ZCWPW2: variants seen among roughly 807,000 people sequenced by gnomAD.
ZCWPW2 encodes zinc finger CW-type and PWWP domain containing 2, also known as zinc finger CW-type PWWP domain protein 2.
In ZCWPW2, 45 loss-of-function variants were observed where a neutral mutation model predicts 46.6. That is an observed-to-expected ratio of 0.96 (90% CI 0.76 to 1.24). The LOEUF (loss-of-function observed/expected upper bound fraction) is 1.24, where lower values mean the gene tolerates loss of function less well. ZCWPW2 is among the 50% of genes most tolerant of loss of function. The pLI, the probability that ZCWPW2 is intolerant of heterozygous loss-of-function variation, is 0.00. For missense variants in ZCWPW2, 429 were observed against 403.9 expected (o/e 1.06, Z -0.53); for synonymous variants, 152 against 137.1 (o/e 1.11, Z -0.76).
At chr3:28,498,635 T>C (rs1327293834) in intron 6 of ZCWPW2, among the ~76,000 whole-genome samples, 2 of 151,764 alleles carry the variant, frequency 1.3e-5, no homozygotes, top group Non-Finnish European at 2.9e-5. Flanking sequence ...TATTAGACAG[T>C]TAGGATTAGC....
rs988886465 is a variant in ZCWPW2 at position 28,525,582 on chromosome 3, C to T, written c.*894C>T. 2.0e-5 allele frequency among the ~76,000 whole-genome samples: 3 copies of T among 152,092 alleles called. No individual in the cohort carries two copies. The highest frequency in any genetic ancestry group is 2.9e-5 in the Non-Finnish European group (2 of 68,004). ...CCAAAGCTTGAGGAGAGAAGAAGTG[C>T]ACGAGAGCATCACCACAGCGGTGAA... On this transcript the variant is annotated 3_prime_UTR_variant, in exon 10 of 10. Transcript: ENST00000383768.
At chr3:28,482,352 T>A (rs1367021472) in intron 5 of ZCWPW2, among the ~76,000 whole-genome samples, 1 of 152,228 alleles carries the variant, frequency 6.6e-6, no homozygotes, top group Non-Finnish European at 1.5e-5. Context: ...TAGTGCTGAA[T>A]AATACCCATT....
chr3:28,350,885 A>G (rs1034521628), intron 1 of ZCWPW2, among the ~76,000 whole-genome samples: 1 of 151,900 alleles, frequency 6.6e-6, no homozygotes, highest in Non-Finnish European at 1.5e-5. Flanking sequence ...CCTGAATGAT[A>G]ATCTTAACTG....
chr3:28,354,416 C>A (rs1704660026), intron 1 of ZCWPW2, among the ~76,000 whole-genome samples: 1 of 141,166 alleles, frequency 7.1e-6, no homozygotes, highest in South Asian at 2.3e-4. Context: ...CCAAATTCTA[C>A]CAGAGGTACA....
At chr3:28,471,650 G>A (rs1450478888) in intron 4 of ZCWPW2, among the ~76,000 whole-genome samples, 1 of 152,062 alleles carries the variant, frequency 6.6e-6, no homozygotes, top group African/African-American at 2.4e-5. Context: ...TACTGAATGG[G>A]GAAAAACTGA....
chr3:28,352,966 C>T (rs1041176686), intron 1 of ZCWPW2, among the ~76,000 whole-genome samples: 16 of 151,996 alleles, frequency 1.1e-4, no homozygotes, highest in African/African-American at 3.6e-4. Flanking sequence ...GGCCAATCAC[C>T]TAAGGTCAGG....
At chr3:28,369,967 T>C (rs779195068) in intron 1 of ZCWPW2, among the ~76,000 whole-genome samples, 1 of 152,186 alleles carries the variant, frequency 6.6e-6, no homozygotes, top group Non-Finnish European at 1.5e-5. Context: ...AGGCACAGGA[T>C]ATAATCTCCT....
chr3:28,445,447 G>T lies in ZCWPW2; in HGVS notation c.492+10178G>T, dbSNP rs930394513. On this transcript the variant is annotated intron_variant, in intron 4 of 9. Coordinates refer to ENST00000383768, the MANE Select transcript of ZCWPW2 (RefSeq NM_001040432.4). ...TGAAGCTGTTAAGGGAGCAGAATTT[G>T]TGTATGTTGGGGAAGATAAGCTGGT... Among the ~76,000 whole-genome samples, 3 of 152,090 alleles carry T rather than the reference G, an allele frequency of 2.0e-5. No individual in the cohort carries two copies. In the East Asian group the frequency reaches 5.8e-4, roughly 29 times the overall value.
intron 4 of ZCWPW2, among the ~76,000 whole-genome samples, chr3:28,464,106 G>A (rs1326286144): frequency 6.6e-6 from 1 of 152,014 alleles, no homozygotes; most frequent in Non-Finnish European, 1.5e-5. Flanking sequence ...CTCATGTGTA[G>A]TACAAGGGTG....
chr3:28,490,039 A>G (rs974953656), intron 5 of ZCWPW2, among the ~76,000 whole-genome samples: 1 of 152,186 alleles, frequency 6.6e-6, no homozygotes, highest in South Asian at 2.1e-4. Flanking sequence ...AAAAGAAAAC[A>G]TATATGTGGC....
chr3:28,515,717 G>C (rs545200237), intron 8 of ZCWPW2, 96 bp downstream of exon 8: 5,595 of 149,430 alleles, frequency 0.037, 14 homozygotes, highest in Non-Finnish European at 0.048. Context: ...AAGATTTCCT[G>C]TGTGTGTGTG....
intron 4 of ZCWPW2, among the ~76,000 whole-genome samples, chr3:28,474,143 A>G (rs984596378): frequency 6.6e-6 from 1 of 152,212 alleles, no homozygotes; most frequent in Admixed American, 6.5e-5. Flanking sequence ...CCATAAGTAT[A>G]TACACCTACT....
At position 28,482,439 on chromosome 3, in the gene ZCWPW2, A is replaced by G. The variant is rs555432449; in HGVS notation, c.610+3508A>G. On this transcript the variant is annotated intron_variant, in intron 5 of 9. Transcript: ENST00000383768. ...TGGTTGCTTTTAAATTTTGGCAACTATGAATAAAGCTGCTGTAAACATATA... is the reference window on the plus strand; with the variant it reads ...TGGTTGCTTTTAAATTTTGGCAACTGTGAATAAAGCTGCTGTAAACATATA... Among the ~76,000 whole-genome samples, 5 of 152,340 alleles carry G rather than the reference A, an allele frequency of 3.3e-5. No individual in the cohort carries two copies. The South Asian group carries it at 8.3e-4, about 25-fold the overall frequency.
At position 28,381,029 on chromosome 3, in the gene ZCWPW2, A is replaced by ATTTTG. The variant is rs1695074396; in HGVS notation, c.-133-9468_-133-9467insTTTGT. Among the ~76,000 whole-genome samples, 3 of 22,318 alleles carry ATTTTG rather than the reference A, an allele frequency of 1.3e-4. 1 individual carries two copies. The highest frequency in any genetic ancestry group is 1.0e-4 in the Non-Finnish European group (1 of 9,612). The allele number at this position is 22,318 out of a possible 152,430, so 14.6% of individuals were successfully genotyped here. On this transcript the variant is annotated intron_variant, in intron 1 of 9. Transcript: ENST00000383768. ...ATATATATATATATATATTTGGTAT[A>ATTTTG]TATATATATATATATTTGGTGTATA...
At chr3:28,503,741 A>G (rs920327747) in intron 6 of ZCWPW2, among the ~76,000 whole-genome samples, 4 of 152,018 alleles carry the variant, frequency 2.6e-5, no homozygotes, top group African/African-American at 9.7e-5. Context: ...TTTCAAATTT[A>G]TAAGCATTTG....
chr3:28,507,762 A>G (rs540507837), intron 6 of ZCWPW2, among the ~76,000 whole-genome samples: 13 of 152,144 alleles, frequency 8.5e-5, no homozygotes, highest in East Asian at 5.8e-4. Context: ...GGTTTAATAT[A>G]TGTTCATTAT....
intron 6 of ZCWPW2, among the ~76,000 whole-genome samples, chr3:28,512,623 CA>C (rs80011057): frequency 0.2 from 30,906 of 151,986 alleles, 3,560 homozygotes; most frequent in Middle Eastern, 0.29. Flanking sequence ...GCTACTTTTC[CA>C]AAAAGTATTT....
chr3:28,458,432 A>G (rs1167874187), intron 4 of ZCWPW2, among the ~76,000 whole-genome samples: 2 of 152,182 alleles, frequency 1.3e-5, no homozygotes, highest in African/African-American at 2.4e-5. Flanking sequence ...TACACAGCCA[A>G]CTTCTCTCTA....
chr3:28,399,837 G>C (rs1695853831), intron 2 of ZCWPW2, among the ~76,000 whole-genome samples: 1 of 152,094 alleles, frequency 6.6e-6, no homozygotes, highest in African/African-American at 2.4e-5. Context: ...GAAGAAACCA[G>C]AAAATCAACT....
Sources: gnomAD v4.1 joint callset for allele counts (sites outside exome capture counted in the v4.1 genomes callset) on GRCh38, gnomAD v4.1.1 for gene constraint, MANE v1.5 for transcripts, NCBI Gene and HGNC (gene_info 2026-07-23, HGNC 2026-07-21) for gene names.